Variants in CACNA1E observed in about 807,000 individuals in gnomAD.
CACNA1E encodes the protein voltage-dependent R-type calcium channel subunit alpha-1E.
A neutral mutation model predicts 259.2 loss-of-function variants in CACNA1E; 40 were observed. That is an observed-to-expected ratio of 0.15 (90% CI 0.12 to 0.20). The LOEUF (loss-of-function observed/expected upper bound fraction) is 0.20, where lower values mean the gene tolerates loss of function less well. Ranked by LOEUF, CACNA1E falls within the 10% of genes least tolerant of loss-of-function variation. The pLI is 1.00. For missense variants in CACNA1E, 1,874 were observed against 3,040.1 expected (o/e 0.62, Z 9.02); for synonymous variants, 1,104 against 1,138.5 (o/e 0.97, Z 0.61).
upstream of CACNA1E, among the ~76,000 whole-genome samples, chr1:181,478,631 G>A (rs1663020002): frequency 6.7e-6 from 1 of 148,874 alleles, no homozygotes; most frequent in South Asian, 2.1e-4. Flanking sequence ...CTATCTGAGT[G>A]TAACTGGCAG....
chr1:181,713,548 CATTATGTACTCTCAGTTTT>C (rs1404900190), intron 8 of CACNA1E, among the ~76,000 whole-genome samples: 1 of 152,170 alleles, frequency 6.6e-6, no homozygotes, highest in Non-Finnish European at 1.5e-5. Context: ...CTAGGAAATA[CATTATGTACTCTCAGTTTT>C]ATCTGTAGCT....
intron 25 of CACNA1E, among the ~76,000 whole-genome samples, chr1:181,744,505 CA>C (rs1656874496): frequency 6.6e-6 from 1 of 152,168 alleles, no homozygotes; most frequent in African/African-American, 2.4e-5. Context: ...GGTGGCTATT[CA>C]GCACCAAAAT....
intron 7 of CACNA1E, among the ~76,000 whole-genome samples, chr1:181,698,863 A>C (rs1651960915): frequency 6.6e-6 from 1 of 152,220 alleles, no homozygotes; most frequent in Admixed American, 6.5e-5. Flanking sequence ...AATTTAAGAA[A>C]GACTTCTAAG....
intron 7 of CACNA1E, among the ~76,000 whole-genome samples, chr1:181,697,509 A>G (rs1572631861): frequency 6.6e-6 from 1 of 152,230 alleles, no homozygotes; most frequent in South Asian, 2.1e-4. Context: ...TATCAATACC[A>G]CATCTTCCAG....
At chr1:181,766,669 C>T in intron 35 of CACNA1E, 58 bp downstream of exon 35, 3 of 1,305,756 alleles carry the variant, frequency 2.3e-6, no homozygotes, top group Non-Finnish European at 2.2e-6. Context: ...TAATCTCTGG[C>T]TTAGCAACCT....
chr1:181,603,706 T>A (rs1211454481), intron 6 of CACNA1E, among the ~76,000 whole-genome samples: 2 of 152,188 alleles, frequency 1.3e-5, no homozygotes, highest in Non-Finnish European at 2.9e-5. Context: ...ACTGGTCAGA[T>A]GCTATTGAGC....
intron 2 of CACNA1E, among the ~76,000 whole-genome samples, chr1:181,432,190 A>C (rs1659763388): frequency 1.3e-5 from 2 of 152,176 alleles, no homozygotes; most frequent in South Asian, 4.1e-4. Context: ...CAAACAAAGA[A>C]TATGCCCCTA....
At chr1:181,570,851 C>T (rs1162364821) in intron 3 of CACNA1E, among the ~76,000 whole-genome samples, 2 of 152,204 alleles carry the variant, frequency 1.3e-5, no homozygotes, top group Non-Finnish European at 2.9e-5. Context: ...CTGCAAAGTC[C>T]CTTTTGCCAT....
At chr1:181,581,518 AG>A (rs1343897480) in intron 6 of CACNA1E, among the ~76,000 whole-genome samples, 1 of 152,178 alleles carries the variant, frequency 6.6e-6, no homozygotes, top group Non-Finnish European at 1.5e-5. Flanking sequence ...TCACATGATC[AG>A]ACATGTTGAG....
chr1:181,636,673 T>C (rs775141328), intron 6 of CACNA1E, among the ~76,000 whole-genome samples: 3 of 152,166 alleles, frequency 2.0e-5, no homozygotes, highest in Admixed American at 6.5e-5. Flanking sequence ...AGAAAGGCCC[T>C]GATGGATGGC....
intron 6 of CACNA1E, among the ~76,000 whole-genome samples, chr1:181,643,591 C>G (rs780585278): frequency 5.9e-5 from 9 of 152,080 alleles, no homozygotes; most frequent in Non-Finnish European, 5.9e-5. Flanking sequence ...TGCAGCTGAC[C>G]GGCCAGAGCT....
In CACNA1E at chr1:181,331,663, T is replaced by G. The variant is rs75886463; in HGVS notation, c.-15+13540T>G. Among the ~76,000 whole-genome samples the G allele has an allele frequency of 9.5e-3, 1,440 of 152,334 alleles. 29 individuals are homozygous for G. Among genetic ancestry groups the G allele is most frequent in the African/African-American group, 0.033 (1,381 of 41,564 alleles). ...AATAATGCTTTACCAGTTCTCTAGG[T>G]ATTCCTTAATCCAGTCAAGTTGACA... is the stretch of plus-strand genomic sequence containing the variant. On this transcript the variant is annotated intron_variant, in intron 1 of 11. Transcript: ENST00000524607.
At chr1:181,792,714 C>T (rs997046405) in intron 44 of CACNA1E, among the ~76,000 whole-genome samples, 1 of 152,148 alleles carries the variant, frequency 6.6e-6, no homozygotes, top group African/African-American at 2.4e-5. Flanking sequence ...TATAAAATAG[C>T]TTTTTCTGGT....
chr1:181,395,767 C>A (rs146607297), intron 1 of CACNA1E, among the ~76,000 whole-genome samples: 6 of 152,000 alleles, frequency 3.9e-5, no homozygotes, highest in Admixed American at 2.0e-4. Flanking sequence ...TCCATGAGGT[C>A]GAAGGAAAAC....
At chr1:181,482,581 C>G (rs1300685616), upstream of CACNA1E, among the ~76,000 whole-genome samples, 1 of 152,264 alleles carries the variant, frequency 6.6e-6, no homozygotes, top group Non-Finnish European at 1.5e-5. Context: ...GCCAGCTCCT[C>G]CCCCGCTTCT....
rs562557929 is a variant in CACNA1E at position 181,366,699 on chromosome 1, C to A, written c.-14-46434C>A. Among the ~76,000 whole-genome samples the A allele has an allele frequency of 3.5e-4, 54 of 152,248 alleles. 1 individual carries two copies. The highest frequency in any genetic ancestry group is 1.2e-3 in the African/African-American group (51 of 41,544). ...ATCCTGCTACCTCTTTGCTGTGTGA[C>A]CCCAGACAACTTGCTTCACTTCTCT... is the stretch of plus-strand genomic sequence containing the variant. On this transcript the variant is annotated intron_variant, in intron 1 of 11. Coordinates refer to the CACNA1E transcript ENST00000524607.
At chr1:181,644,131 G>C (rs765065744) in intron 6 of CACNA1E, among the ~76,000 whole-genome samples, 1 of 152,190 alleles carries the variant, frequency 6.6e-6, no homozygotes, top group Non-Finnish European at 1.5e-5. Flanking sequence ...TTTTCTGGCT[G>C]TAAGATCCTA....
rs1421200790 is a variant in CACNA1E at position 181,776,522 on chromosome 1, A to G, written c.5267+294A>G. 6.6e-6 allele frequency among the ~76,000 whole-genome samples: 1 copy of G among 152,132 alleles called. No homozygotes were observed. The highest frequency in any genetic ancestry group is 1.5e-5 in the Non-Finnish European group (1 of 68,028). ...GGCTCAGTCCCAAGAGAACTTTCCA[A>G]TAATCTTTTTCTGCCAATGGTTAGT... On this transcript the variant is annotated intron_variant, in intron 38 of 47. Coordinates refer to ENST00000367573, the MANE Select transcript of CACNA1E (RefSeq NM_001205293.3). The surrounding 1 kb of genome is among the most constrained non-coding windows in gnomAD (Gnocchi z 4.4).
At chr1:181,712,169 G>C (rs1653437746) in intron 8 of CACNA1E, among the ~76,000 whole-genome samples, 1 of 152,120 alleles carries the variant, frequency 6.6e-6, no homozygotes, top group African/African-American at 2.4e-5. Context: ...ATTCAAGTTT[G>C]GCTGTGGCTC....
Sources: gnomAD v4.1 joint callset for allele counts (sites outside exome capture counted in the v4.1 genomes callset) on GRCh38, gnomAD v4.1.1 for gene constraint, Gnocchi (gnomAD v3.1) non-coding constraint, MANE v1.5 for transcripts, NCBI Gene and HGNC (gene_info 2026-07-23, HGNC 2026-07-21) for gene names.